RNASEH1: variants seen among roughly 807,000 people sequenced by gnomAD.
The protein encoded by RNASEH1 is ribonuclease H1.
In RNASEH1, 27 loss-of-function variants were observed where a neutral mutation model predicts 34.6. The ratio of observed to expected loss-of-function variants is 0.78; its 90% CI spans 0.58 to 1.08. RNASEH1 has a LOEUF of 1.08. Among genes scored for constraint, RNASEH1 ranks in the 50% least tolerant of loss-of-function variants. The pLI is 0.00. For synonymous variants in RNASEH1, 162 were observed against 138.4 expected (o/e 1.17, Z -1.20); for missense variants, 349 against 373.6 (o/e 0.93, Z 0.54).
chr2:3,549,894 C>G (rs1572307279), intron 4 of RNASEH1, among the ~76,000 whole-genome samples: 1 of 150,532 alleles, frequency 6.6e-6, no homozygotes. Context: ...TGCAGTGAGC[C>G]GAGATCGCGC....
At chr2:3,548,409 A>G (rs886574991) in intron 6 of RNASEH1, among the ~76,000 whole-genome samples, 1 of 152,262 alleles carries the variant, frequency 6.6e-6, no homozygotes. Context: ...ACTAGAAGTA[A>G]GAGCCACTTC....
intron 3 of RNASEH1, 81 bp downstream of exon 3, chr2:3,552,063 C>T (rs1659980621): frequency 8.7e-7 from 1 of 1,144,230 alleles, no homozygotes; most frequent in Non-Finnish European, 1.2e-6. Flanking sequence ...TCAAACTCCC[C>T]CCATCAAGTG....
intron 7 of RNASEH1, among the ~76,000 whole-genome samples, chr2:3,546,721 A>G (rs867852519): frequency 2.6e-5 from 4 of 152,328 alleles, no homozygotes; most frequent in Middle Eastern, 3.4e-3. Context: ...CAGCGAGCCG[A>G]GATTGCGCCA....
intron 2 of RNASEH1, among the ~76,000 whole-genome samples, chr2:3,553,580 TG>T (rs66726756): frequency 0.43 from 65,938 of 151,598 alleles, 15,283 homozygotes; most frequent in African/African-American, 0.61. Flanking sequence ...TTAGTAGAGA[TG>T]GGGGTTTCAC....
chr2:3,540,990 G>C (rs1255576928), downstream of RNASEH1, among the ~76,000 whole-genome samples: 1 of 152,030 alleles, frequency 6.6e-6, no homozygotes. Context: ...CTGACTGGAG[G>C]GAATGTAAAG....
chr2:3,554,935 C>T (rs1278028445), intron 2 of RNASEH1, among the ~76,000 whole-genome samples: 2 of 152,188 alleles, frequency 1.3e-5, no homozygotes, highest in Non-Finnish European at 2.9e-5. Context: ...TCTCCCTTAA[C>T]ATCCCCATAG....
intron 3 of RNASEH1, among the ~76,000 whole-genome samples, chr2:3,551,254 T>C (rs994041872): frequency 1.3e-5 from 2 of 151,896 alleles, no homozygotes; most frequent in Non-Finnish European, 2.9e-5. Context: ...CCAAGGGGAG[T>C]GTGGGTGTTG....
intron 7 of RNASEH1, among the ~76,000 whole-genome samples, chr2:3,546,571 T>G (rs951486070): frequency 2.0e-5 from 3 of 152,212 alleles, no homozygotes; most frequent in African/African-American, 4.8e-5. Flanking sequence ...ACAGCTGTCA[T>G]AGTAATGCCA....
At chr2:3,558,053 C>G (rs1660714717) in intron 1 of RNASEH1, 80 bp downstream of exon 1, 3 of 1,486,358 alleles carry the variant, frequency 2.0e-6, no homozygotes, top group Admixed American at 2.4e-5. Context: ...GCCAGGCTCC[C>G]GCCGCCGGGG....
In RNASEH1 at chr2:3,556,784, A is replaced by G. The variant is rs1431680305; in HGVS notation, c.244+5T>C. On this transcript the variant is annotated splice_donor_5th_base_variant and intron_variant, in intron 2 of 7. Coordinates refer to ENST00000315212, the MANE Select transcript of RNASEH1 (RefSeq NM_002936.6). Reference sequence around the variant, plus strand: ...AAATGTCACACTGATATGAGAGGTGACTACCTTCTGAAACTTCCGGGCTTG... The same window carrying G: ...AAATGTCACACTGATATGAGAGGTGGCTACCTTCTGAAACTTCCGGGCTTG... 1 of 1,595,278 alleles carries G rather than the reference A, an allele frequency of 6.3e-7. No individual in the cohort carries two copies. Among genetic ancestry groups the G allele is most frequent in the East Asian group, 2.2e-5 (1 of 44,786 alleles).
At chr2:3,540,543 G>C (rs998383098), downstream of RNASEH1, among the ~76,000 whole-genome samples, 1 of 152,154 alleles carries the variant, frequency 6.6e-6, no homozygotes, top group East Asian at 1.9e-4. Flanking sequence ...CGAGTAGCTG[G>C]GATTACAGGC....
chr2:3,552,302 T>A lies in RNASEH1; in HGVS notation c.251A>T (p.Glu84Val). ...CTCCGATTCTTGTCCATGTTGATTT[T>A]CATGCCCTGAAAGACAAGAGTCCAC... is the stretch of plus-strand genomic sequence containing the variant. ...SASPEVSEGH[E>V]NQHGQESEAK... is the part of the protein sequence containing the mutation. Residue 84 changes from glutamate to valine, a missense_variant, in exon 3 of 8, where the codon GAA becomes GTA. Around this residue, in one of 2 missense-constraint regions of RNASEH1, gnomAD observed 256 missense variants for 240.7 expected, o/e 1.06. Transcript: ENST00000315212. The A allele has an allele frequency of 6.2e-7, 1 of 1,613,362 alleles. No individual in the cohort carries two copies. The highest frequency in any genetic ancestry group is 8.5e-7 in the Non-Finnish European group (1 of 1,179,890).
chr2:3,539,533 A>G (rs888976679), downstream of RNASEH1, among the ~76,000 whole-genome samples: 4 of 152,210 alleles, frequency 2.6e-5, no homozygotes, highest in African/African-American at 7.2e-5. Context: ...CGAGCTGGCC[A>G]GCATAGTCAA....
intron 2 of RNASEH1, among the ~76,000 whole-genome samples, chr2:3,553,885 G>A (rs1225767393): frequency 7.9e-5 from 12 of 152,166 alleles, no homozygotes. Flanking sequence ...TCTGTAAAAC[G>A]AGGCCCTGGG....
At position 3,545,442 on chromosome 2, in the gene RNASEH1, T is replaced by A; in HGVS notation, c.*343A>T. The A allele has an allele frequency of 4.0e-6, 1 of 252,264 alleles. No individual in the cohort carries two copies. 15.6% of individuals were successfully genotyped at this position (252,264 alleles called of 1,614,324 possible). A position where few individuals can be genotyped will look rare whatever the true frequency, so the allele number is the denominator to read the frequency against. ...TTCCAGACTTCTGAGTTGCATCTTTTAACCAATGGTTTTTTGATTTCTTAT... is the reference window on the plus strand; with the variant it reads ...TTCCAGACTTCTGAGTTGCATCTTTAAACCAATGGTTTTTTGATTTCTTAT... On this transcript the variant is annotated 3_prime_UTR_variant, in exon 8 of 8. Coordinates refer to ENST00000315212, the MANE Select transcript of RNASEH1 (RefSeq NM_002936.6).
intron 4 of RNASEH1, among the ~76,000 whole-genome samples, chr2:3,549,870 T>A (rs902136649): frequency 6.7e-6 from 1 of 148,844 alleles, no homozygotes; most frequent in African/African-American, 2.5e-5. Flanking sequence ...GGCGTGAACC[T>A]GGGAAGTGGA....
rs540853321 is a variant in RNASEH1 at position 3,541,512 on chromosome 2, T to C, written c.*4273A>G. 7.2e-5 allele frequency among the ~76,000 whole-genome samples: 11 copies of C among 152,268 alleles called. No homozygotes were observed. The highest frequency in any genetic ancestry group is 2.1e-4 in the South Asian group (1 of 4,824). On this transcript the variant is annotated 3_prime_UTR_variant, in exon 8 of 8. Transcript: ENST00000315212. ...AAATATCGGTCAACAGGTAAATAAA[T>C]AAACTGTGGTATATCCATGCAATAC...
intron 6 of RNASEH1, 39 bp from the exon 7 acceptor site, chr2:3,548,094 T>C: frequency 6.2e-7 from 1 of 1,612,606 alleles, no homozygotes; most frequent in Non-Finnish European, 8.5e-7. Flanking sequence ...CAATCTTGAG[T>C]GTCCTGCCTT....
Position 3,558,315 on chromosome 2 carries a change from G to A in RNASEH1, c.-55C>T. Reference sequence around the variant, plus strand: ...GACTCCCGGCCCAGCGTGGGCGCGAGCCGCCGGCGCTCAACACCGCACTTC... The same window carrying A: ...GACTCCCGGCCCAGCGTGGGCGCGAACCGCCGGCGCTCAACACCGCACTTC... On this transcript the variant is annotated 5_prime_UTR_variant, in exon 1 of 8. Coordinates refer to ENST00000315212, the MANE Select transcript of RNASEH1 (RefSeq NM_002936.6). 2.0e-6 allele frequency: 3 copies of A among 1,470,696 alleles called. No individual in the cohort carries two copies. Among genetic ancestry groups the A allele is most frequent in the Admixed American group, 2.6e-5 (1 of 39,040 alleles). 91.1% of individuals were successfully genotyped at this position (1,470,696 alleles called of 1,614,324 possible).
Sources: allele counts gnomAD v4.1 joint callset (sites outside exome capture counted in the v4.1 genomes callset), GRCh38; gene constraint gnomAD v4.1.1; regional missense constraint gnomAD v4.1.1; transcripts MANE v1.5; gene names NCBI Gene and HGNC (gene_info 2026-07-23, HGNC 2026-07-21).